The following CTBP2 variants were observed in gnomAD, a reference collection of about 807,000 sequenced individuals.
CTBP2 encodes the protein C-terminal binding protein 2, also known as C-terminal-binding protein 2.
CTBP2 carries 30 observed loss-of-function variants against 80.3 expected under a neutral mutation model. The ratio of observed to expected loss-of-function variants is 0.37; its 90% CI spans 0.28 to 0.51. The LOEUF (loss-of-function observed/expected upper bound fraction) is 0.51. Ranked by LOEUF, CTBP2 falls within the 20% of genes least tolerant of loss-of-function variation. CTBP2 has a pLI of 0.93. For synonymous variants in CTBP2, 594 were observed against 587.4 expected (o/e 1.01, Z -0.16); for missense variants, 1,212 against 1,375.3 (o/e 0.88, Z 1.88).
intron 8 of CTBP2, 137 bp downstream of exon 10, chr10:124,992,558 C>G: frequency 1.6e-6 from 1 of 608,742 alleles, no homozygotes; most frequent in Non-Finnish European, 3.0e-6. Flanking sequence ...GTACACAGTT[C>G]CTGCTGAGAA....
In CTBP2 at chr10:125,003,386, G is replaced by A. The variant is rs547007995; in HGVS notation, c.1785C>T (p.Ala595=). The A allele has an allele frequency of 8.1e-6, 13 of 1,608,346 alleles. No individual in the cohort carries two copies. Among genetic ancestry groups the A allele is most frequent in the Admixed American group, 6.9e-5 (4 of 57,950 alleles). The change falls in exon 2 of 9, where the codon GCC becomes GCT. Residue 595 remains alanine (A), a synonymous_variant. Transcript: ENST00000309035. ...ACTGCGCGTCACAGAAGGCCACAGT[G>A]GCCAGGTCCTTCAGGATGGGCATCT...
At chr10:125,010,288 G>A (rs979598136) in intron 1 of CTBP2, among the ~76,000 whole-genome samples, 23 of 148,878 alleles carry the variant, frequency 1.5e-4, no homozygotes, top group Non-Finnish European at 2.4e-4. Flanking sequence ...GTTGTTATCT[G>A]CTTTTTCATT....
At chr10:125,094,119 CAATTAAAAGTTA>C (rs1423756120) in intron 2 of CTBP2, among the ~76,000 whole-genome samples, 4 of 152,082 alleles carry the variant, frequency 2.6e-5, no homozygotes, top group Non-Finnish European at 4.4e-5. Flanking sequence ...TAAATGGTTT[CAATTAAAAGTTA>C]AAGAAACAGA....
chr10:125,122,950 A>T (rs541702634), intron 1 of CTBP2: 35 of 152,392 alleles, frequency 2.3e-4, no homozygotes, highest in African/African-American at 8.2e-4. Flanking sequence ...AAAGGGAATT[A>T]AGCCAAGTGA....
At chr10:125,095,206 C>T (rs61229180) in intron 2 of CTBP2, among the ~76,000 whole-genome samples, 371 of 152,236 alleles carry the variant, frequency 2.4e-3, no homozygotes, top group African/African-American at 8.5e-3. Context: ...GCAAACAGAT[C>T]TTGGAAAAAA....
At chr10:125,158,671 G>A (rs1323980828) in intron 1 of CTBP2, 1 of 152,246 alleles carries the variant, frequency 6.6e-6, no homozygotes, top group East Asian at 1.9e-4. Flanking sequence ...TGACGACGTA[G>A]GCCATTGCCA....
chr10:125,079,479 A>G (rs1461297956), intron 2 of CTBP2, among the ~76,000 whole-genome samples: 2 of 152,238 alleles, frequency 1.3e-5, no homozygotes, highest in Admixed American at 1.3e-4. Flanking sequence ...TTCTCCTTAC[A>G]CAGATTGAGA....
At chr10:125,047,691 A>T (rs758189459) in intron 2 of CTBP2, among the ~76,000 whole-genome samples, 1 of 152,266 alleles carries the variant, frequency 6.6e-6, no homozygotes, top group Non-Finnish European at 1.5e-5. Context: ...GTCAATTGTA[A>T]CCATATTATA....
chr10:125,158,627 T>C (rs1433117507), intron 1 of CTBP2: 7 of 152,304 alleles, frequency 4.6e-5, no homozygotes, highest in African/African-American at 1.4e-4. Flanking sequence ...CACAGAAGGA[T>C]TGTTTACCCC....
Position 125,028,044 on chromosome 10 carries a change from C to T in CTBP2, c.-285G>A. 1.6e-6 allele frequency: 1 copy of T among 630,094 alleles called. No individual in the cohort carries two copies. Among genetic ancestry groups the T allele is most frequent in the South Asian group, 3.5e-5 (1 of 28,622 alleles). The allele number at this position is 630,094 out of a possible 1,614,324, so 39.0% of individuals were successfully genotyped here. On this transcript the variant is annotated 5_prime_UTR_variant, in exon 1 of 9. Transcript: ENST00000309035. Reference sequence around the variant, plus strand: ...GGAGAGGAGGCTGTCCCCAGCCTGCCAGGTCCCCCTTCCTGGCTGGTGTGC... The same window carrying T: ...GGAGAGGAGGCTGTCCCCAGCCTGCTAGGTCCCCCTTCCTGGCTGGTGTGC...
chr10:125,017,867 G>A (rs1956648261), intron 1 of CTBP2, among the ~76,000 whole-genome samples: 2 of 152,132 alleles, frequency 1.3e-5, no homozygotes, highest in Middle Eastern at 6.8e-3. Flanking sequence ...CAGAGCCGTG[G>A]GGGGCAGGTA....
intron 2 of CTBP2, among the ~76,000 whole-genome samples, chr10:125,053,952 G>T (rs944171284): frequency 6.6e-6 from 1 of 152,122 alleles, no homozygotes; most frequent in Non-Finnish European, 1.5e-5. Context: ...GACCTTTCCA[G>T]CCCCTACAGG....
At chr10:125,154,923 C>G (rs964032327) in intron 1 of CTBP2, among the ~76,000 whole-genome samples, 1 of 152,146 alleles carries the variant, frequency 6.6e-6, no homozygotes, top group Non-Finnish European at 1.5e-5. Context: ...CTAATGCTAC[C>G]AACAGATTAA....
At chr10:125,074,636 T>C (rs2935649) in intron 2 of CTBP2, among the ~76,000 whole-genome samples, 83,811 of 152,184 alleles carry the variant, frequency 0.55, 24,636 homozygotes, top group African/African-American at 0.78. Context: ...TGAGCCACAG[T>C]GCCTGGCGAA....
rs978739787 is a variant in CTBP2, at chr10:125,052,372, C to T, written c.-101-13217G>A. ...GAGGGGCTGCAGGTCCCAGAGCTGA[C>T]CCCCACAACACGCAGGGAGCAGCCT... On this transcript the variant is annotated intron_variant, in intron 2 of 10. Coordinates refer to the CTBP2 transcript ENST00000337195. Among the ~76,000 whole-genome samples the T allele has an allele frequency of 4.2e-4, 64 of 152,218 alleles. 1 individual carries two copies. The highest frequency in any genetic ancestry group is 2.0e-4 in the Admixed American group (3 of 15,280).
intron 2 of CTBP2, among the ~76,000 whole-genome samples, chr10:125,070,780 C>T (rs971704543): frequency 1.3e-5 from 2 of 151,998 alleles, no homozygotes; most frequent in Admixed American, 6.6e-5. Flanking sequence ...ATTCTCCTGC[C>T]TCAGCCTCCC....
chr10:125,011,946 T>A (rs1457829016), intron 1 of CTBP2, among the ~76,000 whole-genome samples: 2 of 152,162 alleles, frequency 1.3e-5, no homozygotes, highest in Non-Finnish European at 2.9e-5. Context: ...CGGGTGCAGC[T>A]CATGTTCTGG....
intron 2 of CTBP2, among the ~76,000 whole-genome samples, chr10:125,060,601 G>C (rs1964782110): frequency 6.6e-6 from 1 of 152,138 alleles, no homozygotes. Flanking sequence ...CTCATCCCCA[G>C]CAGGGAACGT....
intron 2 of CTBP2, among the ~76,000 whole-genome samples, chr10:125,088,771 C>T (rs1330955120): frequency 6.6e-6 from 1 of 152,194 alleles, no homozygotes; most frequent in African/African-American, 2.4e-5. Context: ...GAAGATCACA[C>T]CCTTCATACT....
Sources: allele counts gnomAD v4.1 joint callset (sites outside exome capture counted in the v4.1 genomes callset), GRCh38; gene constraint gnomAD v4.1.1; transcripts MANE v1.5; gene names NCBI Gene and HGNC (gene_info 2026-07-23, HGNC 2026-07-21).